The following CMPK2 variants were observed in gnomAD, a reference collection of about 807,000 sequenced individuals.
The protein encoded by CMPK2 is UMP-CMP kinase 2, mitochondrial.
CMPK2 carries 32 observed loss-of-function variants against 33.4 expected under a neutral mutation model. The observed-to-expected ratio is 0.96, with a 90% CI of 0.72 to 1.29. The LOEUF is 1.29. Ranked by LOEUF, CMPK2 falls within the 50% of genes most tolerant of loss-of-function variation. The pLI is 0.00. For missense variants in CMPK2, 672 were observed against 616.0 expected (o/e 1.09, Z -0.96); for synonymous variants, 299 against 275.3 (o/e 1.09, Z -0.85).
chr2:6,850,071 G>T, intron 4 of CMPK2, 98 bp from the exon 5 acceptor site: 1 of 880,116 alleles, frequency 1.1e-6, no homozygotes, highest in Non-Finnish European at 1.8e-6. Context: ...CTTGAAGCAA[G>T]CTTCCCATGT....
intron 3 of CMPK2, 55 bp from the exon 4 acceptor site, chr2:6,851,738 T>A (rs1558322526): frequency 6.5e-7 from 1 of 1,540,072 alleles, no homozygotes; most frequent in Non-Finnish European, 8.9e-7. Context: ...CAAAGTAGCA[T>A]CTGAAAATCA....
At chr2:6,862,983 CT>C (rs1259858341) in intron 2 of CMPK2, among the ~76,000 whole-genome samples, 2 of 151,938 alleles carry the variant, frequency 1.3e-5, no homozygotes. Context: ...GCTCAGAAGG[CT>C]TTTTTTTCTT....
At chr2:6,853,062 G>T (rs533935726) in intron 3 of CMPK2, among the ~76,000 whole-genome samples, 9 of 152,224 alleles carry the variant, frequency 5.9e-5, no homozygotes, top group African/African-American at 2.2e-4. Flanking sequence ...CATTTCTCCT[G>T]CCCCACCCTC....
intron 3 of CMPK2, among the ~76,000 whole-genome samples, chr2:6,855,420 A>G (rs964514675): frequency 6.3e-4 from 96 of 151,706 alleles, no homozygotes; most frequent in African/African-American, 2.3e-3. Flanking sequence ...AGGCCTCCCC[A>G]GCCATGCCTC....
At chr2:6,863,675 G>T in intron 1 of CMPK2, 97 bp from the exon 2 acceptor site, 1 of 817,738 alleles carries the variant, frequency 1.2e-6, no homozygotes, top group Admixed American at 2.2e-5. Flanking sequence ...ATGCTAATAA[G>T]GCCTAAGTTA....
chr2:6,855,669 A>C lies in CMPK2; in HGVS notation c.993-3986T>G, dbSNP rs147751572. ...ATTCCATGTAACTTGCCAACCTTGA[A>C]ATTATTATTGTTATCCCCATTGCCA... On this transcript the variant is annotated intron_variant, in intron 3 of 4. Coordinates refer to ENST00000256722, the MANE Select transcript of CMPK2 (RefSeq NM_207315.4). Among the ~76,000 whole-genome samples, 3 of 152,238 alleles carry C rather than the reference A, an allele frequency of 2.0e-5. No individual in the cohort carries two copies. The East Asian group carries it at 5.8e-4, about 29-fold the overall frequency.
chr2:6,852,585 A>C (rs1268644227), intron 3 of CMPK2, among the ~76,000 whole-genome samples: 2 of 152,148 alleles, frequency 1.3e-5, no homozygotes, highest in African/African-American at 4.8e-5. Flanking sequence ...TCTACTGAAA[A>C]ACTCCTCATT....
chr2:6,863,069 G>T (rs1239942450), intron 2 of CMPK2, among the ~76,000 whole-genome samples: 2 of 152,118 alleles, frequency 1.3e-5, no homozygotes, highest in Non-Finnish European at 2.9e-5. Flanking sequence ...ACACCACCCT[G>T]GTTCAAGCCC....
downstream of CMPK2, chr2:6,848,244 C>T (rs1375642827): frequency 4.6e-6 from 3 of 650,714 alleles, no homozygotes; most frequent in Non-Finnish European, 5.7e-6. Context: ...CCCTCCTTTA[C>T]ATCACAATAT....
Position 6,849,195 on chromosome 2 carries a change from T to A in CMPK2, c.*655A>T. 1 of 985,428 alleles carries A rather than the reference T, an allele frequency of 1.0e-6. No homozygotes were observed. The highest frequency in any genetic ancestry group is 1.2e-6 in the Non-Finnish European group (1 of 829,912). 61.0% of individuals were successfully genotyped at this position (985,428 alleles called of 1,614,324 possible). ...CAGTTGGAGCATCTTGGCTTGAATG[T>A]CTTTATATATGACTCAGAAGCCTAT... is the stretch of plus-strand genomic sequence containing the variant. On this transcript the variant is annotated 3_prime_UTR_variant, in exon 5 of 5. Coordinates refer to ENST00000256722, the MANE Select transcript of CMPK2 (RefSeq NM_207315.4).
intron 4 of CMPK2, chr2:6,850,930 A>G: frequency 1.0e-6 from 1 of 990,618 alleles, no homozygotes; most frequent in Non-Finnish European, 1.2e-6. Context: ...CTGCAAAATC[A>G]GAAAGATTTT....
At chr2:6,851,137 A>C in intron 4 of CMPK2, 1 of 1,201,272 alleles carries the variant, frequency 8.3e-7, no homozygotes, top group Non-Finnish European at 1.0e-6. Flanking sequence ...GCTCTGTGTG[A>C]TTATACTATG....
chr2:6,859,304 G>C (rs1662805148), intron 3 of CMPK2, among the ~76,000 whole-genome samples: 1 of 152,244 alleles, frequency 6.6e-6, no homozygotes, highest in African/African-American at 2.4e-5. Context: ...CATTTTCTGA[G>C]GAGAAATTCA....
Position 6,865,289 on chromosome 2 carries a change from G to A in CMPK2, c.408C>T (p.Pro136=), listed in dbSNP as rs369832966. The A allele has an allele frequency of 2.8e-4, 428 of 1,530,208 alleles. 1 individual carries two copies. The African/African-American group carries it at 5.4e-3, about 19-fold the overall frequency. The allele number at this position is 1,530,208 out of a possible 1,614,324, so 94.8% of individuals were successfully genotyped here. The change falls in exon 1 of 5, where the codon CCC becomes CCT. Residue 136 remains proline (P), a synonymous_variant. Transcript: ENST00000256722. ...GAQQGFLLRD[P]LDDPDTRQAL... is the part of the protein sequence containing the mutation. ...CTTGCCGGGTGTCAGGGTCATCCAG[G>A]GGGTCGCGCAGCAGGAAGCCTTGCT... is the stretch of plus-strand genomic sequence containing the variant.
At chr2:6,856,882 T>C (rs1306996667) in intron 3 of CMPK2, among the ~76,000 whole-genome samples, 7 of 152,240 alleles carry the variant, frequency 4.6e-5, no homozygotes, top group East Asian at 1.9e-4. Flanking sequence ...CTTATACATA[T>C]GCTGGTATTT....
At position 6,849,065 on chromosome 2, in the gene CMPK2, T is replaced by C; in HGVS notation, c.*785A>G. 1.0e-6 allele frequency: 1 copy of C among 984,298 alleles called. No homozygotes were observed. 61.0% of individuals were successfully genotyped at this position (984,298 alleles called of 1,614,324 possible). ...TACTGGATTGGCTAAATGAAATGCA[T>C]CCAGTTCAATGGAAAATGTGCATTC... On this transcript the variant is annotated 3_prime_UTR_variant, in exon 5 of 5. Transcript: ENST00000256722.
At chr2:6,846,930 G>A (rs113769778), downstream of CMPK2, among the ~76,000 whole-genome samples, 357 of 152,318 alleles carry the variant, frequency 2.3e-3, no homozygotes, top group Admixed American at 7.0e-3. Context: ...ACAGTCTCCC[G>A]TTGTCTGAGA....
chr2:6,851,138 T>A, intron 4 of CMPK2: 2 of 1,201,600 alleles, frequency 1.7e-6, no homozygotes, highest in Non-Finnish European at 2.1e-6. Context: ...CTCTGTGTGA[T>A]TATACTATGA....
chr2:6,859,244 TA>T (rs1662803504), intron 3 of CMPK2, among the ~76,000 whole-genome samples: 1 of 152,176 alleles, frequency 6.6e-6, no homozygotes, highest in African/African-American at 2.4e-5. Context: ...AAACAGAGCA[TA>T]AAAGTTTGGA....
Sources: gnomAD v4.1 joint callset for allele counts (sites outside exome capture counted in the v4.1 genomes callset) on GRCh38, gnomAD v4.1.1 for gene constraint, MANE v1.5 for transcripts, NCBI Gene and HGNC (gene_info 2026-07-23, HGNC 2026-07-21) for gene names.